The following ANGPT1 variants were observed in gnomAD, a reference collection of about 807,000 sequenced individuals.
ANGPT1 encodes the protein angiopoietin 1, also known as angiopoietin-1.
Under a neutral mutation model 62.2 loss-of-function variants are expected in ANGPT1, and 17 were observed. The observed-to-expected ratio is 0.27, with a 90% CI of 0.19 to 0.41. The LOEUF (loss-of-function observed/expected upper bound fraction) is 0.41. Among genes scored for constraint, ANGPT1 ranks in the 10% least tolerant of loss-of-function variants. The pLI is 1.00. For missense variants in ANGPT1, 478 were observed against 594.9 expected, an observed-to-expected ratio of 0.80 and a Z score of 2.04; for synonymous variants, 199 against 198.9, an observed-to-expected ratio of 1.00 and a Z score of 0.00.
chr8:107,378,172 TG>T (rs1167579009), intron 1 of ANGPT1, among the ~76,000 whole-genome samples: 2 of 152,328 alleles, frequency 1.3e-5, no homozygotes, highest in African/African-American at 2.4e-5. Flanking sequence ...TAGACACACT[TG>T]AATTTTTTGG....
In ANGPT1 at chr8:107,311,337, G is replaced by GA. The variant is rs570588476; in HGVS notation, c.809-7971dup. Among the ~76,000 whole-genome samples the GA allele has an allele frequency of 2.4e-3, 359 of 151,460 alleles. 3 individuals are homozygous for GA. Among genetic ancestry groups the GA allele is most frequent in the African/African-American group, 7.9e-3 (327 of 41,250 alleles). ...TGGATAATAACGGATTAAATTATTA[G>GA]AAAAAAAGCCATAATTTTATTCAAT... On this transcript the variant is annotated intron_variant, in intron 4 of 8. Coordinates refer to ENST00000517746, the MANE Select transcript of ANGPT1 (RefSeq NM_001146.5).
intron 4 of ANGPT1, among the ~76,000 whole-genome samples, chr8:107,314,845 T>C (rs567627216): frequency 7.8e-4 from 118 of 152,242 alleles, no homozygotes; most frequent in Non-Finnish European, 9.4e-4. Context: ...TCAATGTTTA[T>C]ATGACTGACA....
chr8:107,356,826 G>A (rs913921558), intron 1 of ANGPT1, among the ~76,000 whole-genome samples: 1 of 152,192 alleles, frequency 6.6e-6, no homozygotes, highest in African/African-American at 2.4e-5. Flanking sequence ...TGCGGCAAGG[G>A]CACAGCATCA....
chr8:107,443,965 T>C (rs1180661698), intron 1 of ANGPT1, among the ~76,000 whole-genome samples: 1 of 152,194 alleles, frequency 6.6e-6, no homozygotes, highest in African/African-American at 2.4e-5. Flanking sequence ...AGATTTTAAG[T>C]ACAGATTCAT....
At chr8:107,254,041 G>A (rs917221205) in intron 8 of ANGPT1, among the ~76,000 whole-genome samples, 2 of 152,080 alleles carry the variant, frequency 1.3e-5, no homozygotes, top group African/African-American at 4.8e-5. Context: ...AAAAACAATG[G>A]AAAGCCATGG....
Position 107,294,035 on chromosome 8 carries a change from C to T in ANGPT1, c.939G>A (p.Val313=), listed in dbSNP as rs755114793. 1 of 1,608,394 alleles carries T rather than the reference C, an allele frequency of 6.2e-7. No individual in the cohort carries two copies. Among genetic ancestry groups the T allele is most frequent in the Non-Finnish European group, 8.5e-7 (1 of 1,177,300 alleles). Reference sequence around the variant, plus strand: ...CCCCATTGACATCCATATTGCAAAACACCTGACAAATGGAAAACAAAGTCA... The same window carrying T: ...CCCCATTGACATCCATATTGCAAAATACCTGACAAATGGAAAACAAAGTCA... ...YINNMPEPKK[V]FCNMDVNGGG... The change falls in exon 6 of 9, where the codon GTG becomes GTA. Residue 313 remains valine, a splice_region_variant and synonymous_variant. Transcript: ENST00000517746.
chr8:107,346,781 C>T (rs1355774679), intron 2 of ANGPT1, among the ~76,000 whole-genome samples, 161 bp downstream of exon 2: 1 of 152,110 alleles, frequency 6.6e-6, no homozygotes, highest in East Asian at 1.9e-4. Context: ...TCAAAAAAAA[C>T]ACGCATAGCA....
chr8:107,306,475 TG>T, intron 4 of ANGPT1, among the ~76,000 whole-genome samples: 1 of 152,274 alleles, frequency 6.6e-6, no homozygotes, highest in Admixed American at 6.6e-5. Context: ...TATGTCAACA[TG>T]TTGGTTATAG....
At chr8:107,384,053 T>G (rs1222040736) in intron 1 of ANGPT1, among the ~76,000 whole-genome samples, 1 of 152,140 alleles carries the variant, frequency 6.6e-6, no homozygotes, top group Non-Finnish European at 1.5e-5. Context: ...CAATAATCCC[T>G]TAAAAAGACA....
At chr8:107,309,463 T>C (rs1009234051) in intron 4 of ANGPT1, among the ~76,000 whole-genome samples, 3 of 152,190 alleles carry the variant, frequency 2.0e-5, no homozygotes, top group African/African-American at 7.2e-5. Context: ...GGGCATTTCA[T>C]AGAGAAAACA....
chr8:107,277,176 C>T (rs1300912203), intron 7 of ANGPT1, among the ~76,000 whole-genome samples: 2 of 151,942 alleles, frequency 1.3e-5, no homozygotes, highest in African/African-American at 4.8e-5. Flanking sequence ...CTCATGATAC[C>T]ATCTGTGACA....
At chr8:107,272,505 G>C (rs1347853612) in intron 7 of ANGPT1, among the ~76,000 whole-genome samples, 1 of 151,820 alleles carries the variant, frequency 6.6e-6, no homozygotes, top group East Asian at 1.9e-4. Context: ...CAACCTTCCA[G>C]GTCTTCCCAA....
chr8:107,280,714 A>C (rs1813984277), intron 7 of ANGPT1, among the ~76,000 whole-genome samples: 1 of 152,174 alleles, frequency 6.6e-6, no homozygotes, highest in Admixed American at 6.5e-5. Flanking sequence ...TATGGCAGCA[A>C]TAGGTGCATA....
chr8:107,409,784 G>A (rs765227203), intron 1 of ANGPT1, among the ~76,000 whole-genome samples: 22 of 150,742 alleles, frequency 1.5e-4, no homozygotes, highest in Middle Eastern at 3.2e-3. Flanking sequence ...CTAAAGTTTC[G>A]GAACCCTCAC....
chr8:107,488,757 G>A (rs983688483), intron 1 of ANGPT1, among the ~76,000 whole-genome samples: 4 of 152,090 alleles, frequency 2.6e-5, no homozygotes, highest in Admixed American at 2.6e-4. Context: ...CCTTATATCT[G>A]TGCAATTAAA....
intron 6 of ANGPT1, among the ~76,000 whole-genome samples, chr8:107,289,022 C>G (rs1431642417): frequency 6.6e-6 from 1 of 152,096 alleles, no homozygotes; most frequent in East Asian, 1.9e-4. Flanking sequence ...ACAATTTCCT[C>G]TTTTTCATGA....
intron 1 of ANGPT1, among the ~76,000 whole-genome samples, chr8:107,382,843 T>G (rs1229014315): frequency 6.6e-6 from 1 of 152,166 alleles, no homozygotes; most frequent in African/African-American, 2.4e-5. Flanking sequence ...GCTCCTTTCT[T>G]CTACACTAAA....
At chr8:107,286,876 A>T (rs1814154538) in intron 6 of ANGPT1, among the ~76,000 whole-genome samples, 1 of 152,170 alleles carries the variant, frequency 6.6e-6, no homozygotes, top group South Asian at 2.1e-4. Flanking sequence ...ACACATTTTT[A>T]TGGCAGCCAA....
At chr8:107,255,329 C>G (rs1285884007) in intron 8 of ANGPT1, among the ~76,000 whole-genome samples, 8 of 152,100 alleles carry the variant, frequency 5.3e-5, no homozygotes, top group African/African-American at 1.9e-4. Context: ...GAGTGTCTGC[C>G]AGCAGGTTGG....
Sources: gnomAD v4.1 joint callset for allele counts (sites outside exome capture counted in the v4.1 genomes callset) on GRCh38, gnomAD v4.1.1 for gene constraint, MANE v1.5 for transcripts, NCBI Gene and HGNC (gene_info 2026-07-23, HGNC 2026-07-21) for gene names.